Variants in TIMP2 observed in about 807,000 individuals in gnomAD.
TIMP2 encodes the protein metalloproteinase inhibitor 2.
In TIMP2, 5 loss-of-function variants were observed where a neutral mutation model predicts 24.3. The ratio of observed to expected loss-of-function variants is 0.21; its 90% CI spans 0.11 to 0.43. The LOEUF (loss-of-function observed/expected upper bound fraction) is 0.43, where lower values mean the gene tolerates loss of function less well. TIMP2 is among the 20% of genes least tolerant of loss of function. The pLI is 1.00. For missense variants in TIMP2, 221 were observed against 297.5 expected (o/e 0.74, Z 1.89); for synonymous variants, 130 against 123.2 (o/e 1.06, Z -0.37).
intron 1 of TIMP2, among the ~76,000 whole-genome samples, chr17:78,901,526 C>G (rs527892837): frequency 2.0e-5 from 3 of 152,032 alleles, no homozygotes; most frequent in Non-Finnish European, 4.4e-5. Context: ...GAGGGGCCCA[C>G]TGACCAAAGG....
intron 2 of TIMP2, among the ~76,000 whole-genome samples, chr17:78,872,982 C>A (rs2069698344): frequency 6.6e-6 from 1 of 152,098 alleles, no homozygotes; most frequent in African/African-American, 2.4e-5. Context: ...GCACTCGCCA[C>A]CACGCCCAGC....
intron 1 of TIMP2, among the ~76,000 whole-genome samples, chr17:78,918,738 T>C (rs7215092): frequency 1 from 152,307 of 152,308 alleles, 76,153 homozygotes; most frequent in Middle Eastern, 1. Context: ...GTGGCTCACA[T>C]CTGTAATCCC....
intron 1 of TIMP2, among the ~76,000 whole-genome samples, chr17:78,882,920 G>C (rs532223341): frequency 6.6e-6 from 1 of 152,254 alleles, no homozygotes. Context: ...GGTCTCCCCC[G>C]GGCACTGGGC....
chr17:78,916,074 C>G (rs562607599), intron 1 of TIMP2, among the ~76,000 whole-genome samples: 1 of 152,142 alleles, frequency 6.6e-6, no homozygotes, highest in African/African-American at 2.4e-5. Flanking sequence ...TCCCTCAGGG[C>G]GGGGTGGGGA....
chr17:78,910,732 C>T (rs1231697845), intron 1 of TIMP2, among the ~76,000 whole-genome samples: 1 of 152,172 alleles, frequency 6.6e-6, no homozygotes, highest in Non-Finnish European at 1.5e-5. Flanking sequence ...TTTCACTTAA[C>T]GTCTTCCAGT....
At chr17:78,922,838 A>C (rs113583532) in intron 1 of TIMP2, among the ~76,000 whole-genome samples, 30 of 152,298 alleles carry the variant, frequency 2.0e-4, no homozygotes, top group Admixed American at 3.9e-4. Flanking sequence ...ACAGAGACAC[A>C]CGAGAGAAGG....
chr17:78,880,558 C>A (rs2069770558), intron 1 of TIMP2, among the ~76,000 whole-genome samples: 1 of 151,316 alleles, frequency 6.6e-6, no homozygotes, highest in Non-Finnish European at 1.5e-5. Flanking sequence ...CAAAAAAAAA[C>A]AAAAATTAGC....
chr17:78,893,224 GGTGTGTGTGCATGT>G (rs2069935384), intron 1 of TIMP2, among the ~76,000 whole-genome samples: 1 of 135,224 alleles, frequency 7.4e-6, no homozygotes. Context: ...TGTGTGCAGG[GGTGTGTGTGCATGT>G]GTGTGTAGGA....
At position 78,855,476 on chromosome 17, in the gene TIMP2, T is replaced by C. The variant is rs1185083065; in HGVS notation, c.*191A>G. 6 of 681,594 alleles carry C rather than the reference T, an allele frequency of 8.8e-6. No homozygotes were observed. The highest frequency in any genetic ancestry group is 1.5e-5 in the Non-Finnish European group (6 of 411,152). 42.2% of individuals were successfully genotyped at this position (681,594 alleles called of 1,614,324 possible). A position where few individuals can be genotyped will look rare whatever the true frequency, so the allele number is the denominator to read the frequency against. Reference sequence around the variant, plus strand: ...GCAGAGGGAGGATGGGATGAGGACCTTGGACCCACGTCTCCCTCCAGACCC... The same window carrying C: ...GCAGAGGGAGGATGGGATGAGGACCCTGGACCCACGTCTCCCTCCAGACCC... On this transcript the variant is annotated 3_prime_UTR_variant, in exon 5 of 5. Transcript: ENST00000262768. This position sits in a 1 kb window ranked among gnomAD's most constrained non-coding sequence, Gnocchi z 6.0.
chr17:78,909,974 C>T lies in TIMP2; in HGVS notation c.130+14985G>A, dbSNP rs143893018. 4.4e-3 allele frequency among the ~76,000 whole-genome samples: 668 copies of T among 152,126 alleles called. 3 individuals carry two copies. Among genetic ancestry groups the T allele is most frequent in the Middle Eastern group, 0.01 (3 of 294 alleles). On this transcript the variant is annotated intron_variant, in intron 1 of 4. Coordinates refer to ENST00000262768, the MANE Select transcript of TIMP2 (RefSeq NM_003255.5). Reference sequence around the variant, plus strand: ...GTGATGCTTTAAGGAACACACCTGCCGTCCTTATGTGAGCTGGGCTGGGCC... The same window carrying T: ...GTGATGCTTTAAGGAACACACCTGCTGTCCTTATGTGAGCTGGGCTGGGCC...
intron 3 of TIMP2, among the ~76,000 whole-genome samples, chr17:78,865,792 GAACAAA>G (rs979834307): frequency 3.5e-4 from 53 of 152,168 alleles, no homozygotes; most frequent in African/African-American, 1.3e-3. Context: ...ACTCCATCTC[GAACAAA>G]AACAAAAACA....
rs79848255 is a variant in TIMP2 at position 78,878,453 on chromosome 17, G to A, written c.131-4534C>T. On this transcript the variant is annotated intron_variant, in intron 1 of 4. Transcript: ENST00000262768. ...CGAGCATCGCATAGACAAGCAGGGCGAATTCTCCCGCTCCCGTGGGTGAGG... is the reference window on the plus strand; with the variant it reads ...CGAGCATCGCATAGACAAGCAGGGCAAATTCTCCCGCTCCCGTGGGTGAGG... Among the ~76,000 whole-genome samples, 316 of 152,294 alleles carry A rather than the reference G, an allele frequency of 2.1e-3. 6 individuals are homozygous for A. In the East Asian group the frequency reaches 0.051, roughly 25 times the overall value.
In TIMP2 at chr17:78,914,741, A is replaced by C. The variant is rs956577200; in HGVS notation, c.130+10218T>G. Among the ~76,000 whole-genome samples the C allele has an allele frequency of 3.3e-5, 5 of 151,548 alleles. No individual in the cohort carries two copies. The East Asian group carries it at 9.7e-4, about 29-fold the overall frequency. On this transcript the variant is annotated intron_variant, in intron 1 of 4. Coordinates refer to ENST00000262768, the MANE Select transcript of TIMP2 (RefSeq NM_003255.5). ...CAGGCACGTGCCACCACCCCTGGCT[A>C]ATTTTTAAAATTTTAATTTATTTTA...
At chr17:78,906,823 T>TCCCCCCGCCTCAG (rs2070163116) in intron 1 of TIMP2, among the ~76,000 whole-genome samples, 1 of 152,050 alleles carries the variant, frequency 6.6e-6, no homozygotes, top group Admixed American at 6.5e-5. Context: ...CCTCAGGTGA[T>TCCCCCCGCCTCAG]CCCCCCGCCT....
At chr17:78,892,747 G>A (rs895298780) in intron 1 of TIMP2, among the ~76,000 whole-genome samples, 3 of 152,208 alleles carry the variant, frequency 2.0e-5, no homozygotes, top group African/African-American at 4.8e-5. Context: ...CAAATGCAGG[G>A]AGGAGGTGCT....
chr17:78,862,890 T>C (rs1177426968), intron 3 of TIMP2, among the ~76,000 whole-genome samples: 3 of 152,258 alleles, frequency 2.0e-5, no homozygotes. Flanking sequence ...AAGGACATGA[T>C]TTCCCTCCTT....
intron 1 of TIMP2, chr17:78,897,017 C>G (rs2070012084): frequency 1.0e-6 from 1 of 985,294 alleles, no homozygotes; most frequent in Non-Finnish European, 1.2e-6. Context: ...GCCGCTCAGA[C>G]AGCTTTTCAG....
intron 1 of TIMP2, among the ~76,000 whole-genome samples, chr17:78,884,063 G>C (rs1015660831): frequency 6.6e-6 from 1 of 152,184 alleles, no homozygotes; most frequent in African/African-American, 2.4e-5. Flanking sequence ...CAAGACCCAC[G>C]GAACAGCCAA....
chr17:78,883,587 C>G (rs918773722), intron 1 of TIMP2, among the ~76,000 whole-genome samples: 8 of 152,188 alleles, frequency 5.3e-5, no homozygotes, highest in African/African-American at 1.9e-4. Context: ...CCAGCGGGCA[C>G]CTGGGGGTGC....
Sources: allele counts gnomAD v4.1 joint callset (sites outside exome capture counted in the v4.1 genomes callset), GRCh38; gene constraint gnomAD v4.1.1; non-coding constraint Gnocchi (gnomAD v3.1); transcripts MANE v1.5; gene names NCBI Gene and HGNC (gene_info 2026-07-23, HGNC 2026-07-21).